MYO6: variants seen among roughly 807,000 people sequenced by gnomAD.
MYO6 encodes unconventional myosin-VI.
MYO6 carries 74 observed loss-of-function variants against 178.7 expected under a neutral mutation model. That is an observed-to-expected ratio of 0.41 (90% CI 0.34 to 0.50). The LOEUF (loss-of-function observed/expected upper bound fraction) is 0.50. Among genes scored for constraint, MYO6 ranks in the 20% least tolerant of loss-of-function variants. The pLI is 0.09. For synonymous variants in MYO6, 477 were observed against 504.6 expected, an observed-to-expected ratio of 0.95 and a Z score of 0.73; for missense variants, 1,330 against 1,547.4, an observed-to-expected ratio of 0.86 and a Z score of 2.36.
chr6:75,850,074 G>A (rs1775117981), intron 11 of MYO6, among the ~76,000 whole-genome samples: 1 of 152,034 alleles, frequency 6.6e-6, no homozygotes, highest in African/African-American at 2.4e-5. Flanking sequence ...GAAAACACAT[G>A]CACAAATCCT....
intron 29 of MYO6, among the ~76,000 whole-genome samples, chr6:75,897,425 T>C (rs1779390331): frequency 6.6e-6 from 1 of 152,242 alleles, no homozygotes; most frequent in Non-Finnish European, 1.5e-5. Flanking sequence ...GTTCTCTGAC[T>C]GTGCTTTCAT....
intron 1 of MYO6, among the ~76,000 whole-genome samples, chr6:75,800,141 T>C (rs946989040): frequency 6.6e-6 from 1 of 152,218 alleles, no homozygotes; most frequent in African/African-American, 2.4e-5. Context: ...TAATTTCACT[T>C]CATGGTTCAA....
At chr6:75,822,747 C>T in intron 2 of MYO6, 35 bp from the exon 3 acceptor site, 2 of 1,570,804 alleles carry the variant, frequency 1.3e-6, no homozygotes, top group Non-Finnish European at 1.8e-6. Context: ...TATTTAAAAG[C>T]CTTGAGTTTA....
intron 11 of MYO6, among the ~76,000 whole-genome samples, chr6:75,851,329 C>G (rs1256801068): frequency 1.3e-5 from 2 of 152,142 alleles, no homozygotes; most frequent in Non-Finnish European, 2.9e-5. Flanking sequence ...TGGAAAGAGA[C>G]AGGGAATCAA....
chr6:75,822,941 T>C (rs542171003), intron 3 of MYO6, 90 bp downstream of exon 3: 5 of 1,009,170 alleles, frequency 5.0e-6, no homozygotes, highest in East Asian at 2.4e-5. Flanking sequence ...ACTGATACAC[T>C]GTGCGGGTTC....
chr6:75,773,742 G>A (rs766527222), intron 1 of MYO6, among the ~76,000 whole-genome samples: 5 of 152,202 alleles, frequency 3.3e-5, no homozygotes, highest in Non-Finnish European at 5.9e-5. Flanking sequence ...GGAAAGATGT[G>A]AGAAAGAGCA....
At position 75,795,761 on chromosome 6, in the gene MYO6, A is replaced by G. The variant is rs575120210; in HGVS notation, c.-47-21740A>G. 2.4e-4 allele frequency among the ~76,000 whole-genome samples: 37 copies of G among 152,272 alleles called. No homozygotes were observed. The South Asian group carries it at 7.7e-3, about 32-fold the overall frequency. ...TTTTGAGAATCTGTTATATTACTGT[A>G]TTTCTTTAATTTTACTAATCCGGCA... On this transcript the variant is annotated intron_variant, in intron 1 of 34. Coordinates refer to ENST00000369977, the MANE Select transcript of MYO6 (RefSeq NM_004999.4).
At position 75,892,552 on chromosome 6, in the gene MYO6, C is replaced by A; in HGVS notation, c.2969C>A (p.Ala990Asp). Residue 990 changes from alanine to aspartate, a missense_variant, in exon 28 of 35, where the codon GCC (alanine) becomes GAC (aspartate). Ala to Asp is a moderately radical substitution (Grantham distance 126). Around this residue, in one of 3 missense-constraint regions of MYO6, gnomAD observed 601 missense variants for 626.1 expected, o/e 0.96. Transcript: ENST00000369977. ...RIQAEVEAQL[A>D]RQKEEESQQQ... is the part of the protein sequence containing the mutation. ...CAGGCTGAAGTGGAGGCACAGCTGG[C>A]CCGACAGAAGGAGGAGGAATCCCAA... 6.2e-7 allele frequency: 1 copy of A among 1,613,898 alleles called. No homozygotes were observed. The highest frequency in any genetic ancestry group is 1.1e-5 in the South Asian group (1 of 91,062).
chr6:75,822,394 G>A (rs550945046), intron 2 of MYO6, among the ~76,000 whole-genome samples: 3 of 152,032 alleles, frequency 2.0e-5, no homozygotes, highest in Non-Finnish European at 2.9e-5. Context: ...CACTGTGCCC[G>A]GTTACTTTTT....
chr6:75,914,892 A>G lies in MYO6; in HGVS notation c.3738A>G (p.Pro1246=), dbSNP rs1346118348. The change falls in exon 35 of 35, where the codon CCA becomes CCG. Residue 1246 remains proline (P), a synonymous_variant. Transcript: ENST00000369977. ...LTRKRGAEIL[P]RQFEEIWERC... The stretch of plus-strand genomic sequence containing the variant: ...GGAAGCGTGGTGCTGAGATCTTGCC[A>G]AGACAGTTTGAAGAAATCTGGGAAC... The G allele has an allele frequency of 1.2e-6, 2 of 1,614,076 alleles. No homozygotes were observed. Among genetic ancestry groups the G allele is most frequent in the East Asian group, 4.5e-5 (2 of 44,886 alleles).
intron 1 of MYO6, among the ~76,000 whole-genome samples, chr6:75,778,105 C>T (rs1450164553): frequency 6.6e-6 from 1 of 152,018 alleles, no homozygotes; most frequent in Non-Finnish European, 1.5e-5. Context: ...AGTGATCATC[C>T]TGTTACACCC....
chr6:75,907,835 T>C, intron 31 of MYO6, 127 bp downstream of exon 31: 2 of 724,936 alleles, frequency 2.8e-6, no homozygotes, highest in Non-Finnish European at 4.8e-6. Context: ...TATGTACATA[T>C]AATACCTATA....
intron 1 of MYO6, among the ~76,000 whole-genome samples, chr6:75,812,811 T>C (rs879345711): frequency 1.3e-5 from 2 of 152,192 alleles, no homozygotes; most frequent in Non-Finnish European, 2.9e-5. Context: ...AATACTCCAC[T>C]GTATATATGC....
chr6:75,841,215 G>A lies in MYO6; in HGVS notation c.653G>A (p.Ser218Asn). 2 of 1,613,462 alleles carry A rather than the reference G, an allele frequency of 1.2e-6. No individual in the cohort carries two copies. The highest frequency in any genetic ancestry group is 1.7e-6 in the Non-Finnish European group (2 of 1,179,746). ...TTTTCTCTGTGTTTTGTTTTTTAGA[G>A]CTCAGTTGTTGGAGGATTTGTTTCA... ...KFVEIHFNEK[S>N]SVVGGFVSHY... Residue 218 changes from serine to asparagine, a missense_variant and splice_region_variant, in exon 9 of 35, where the codon AGC becomes AAC. By Grantham distance (46) the Ser-to-Asn change is conservative. Coordinates refer to ENST00000369977, the MANE Select transcript of MYO6 (RefSeq NM_004999.4).
chr6:75,851,844 A>G (rs1482649257), intron 11 of MYO6, among the ~76,000 whole-genome samples: 1 of 152,104 alleles, frequency 6.6e-6, no homozygotes, highest in Non-Finnish European at 1.5e-5. Flanking sequence ...CTCCAAAAAA[A>G]TTTGGTATTT....
intron 1 of MYO6, among the ~76,000 whole-genome samples, chr6:75,781,822 G>C (rs1365227242): frequency 6.7e-6 from 1 of 150,252 alleles, no homozygotes; most frequent in Non-Finnish European, 1.5e-5. Flanking sequence ...GGCGGCTGAG[G>C]CAGGAGAATC....
At chr6:75,862,503 C>A in intron 15 of MYO6, 93 bp from the exon 16 acceptor site, 1 of 1,124,238 alleles carries the variant, frequency 8.9e-7, no homozygotes, top group South Asian at 1.3e-5. Flanking sequence ...TGTTTCTGAT[C>A]AGTCCTTGAA....
intron 11 of MYO6, among the ~76,000 whole-genome samples, chr6:75,853,933 A>G (rs1775511321): frequency 6.6e-6 from 1 of 152,210 alleles, no homozygotes; most frequent in African/African-American, 2.4e-5. Flanking sequence ...TAAGGTAGGT[A>G]AAGTAATTAT....
chr6:75,875,898 A>G (rs1777534275), intron 20 of MYO6, among the ~76,000 whole-genome samples: 1 of 152,208 alleles, frequency 6.6e-6, no homozygotes, highest in Non-Finnish European at 1.5e-5. Context: ...TTTACTGCTT[A>G]AAATGCTCTA....
Sources: gnomAD v4.1 joint callset for allele counts (sites outside exome capture counted in the v4.1 genomes callset) on GRCh38, gnomAD v4.1.1 for gene constraint, gnomAD v4.1.1 regional missense constraint, MANE v1.5 for transcripts, NCBI Gene and HGNC (gene_info 2026-07-23, HGNC 2026-07-21) for gene names.